S1PR3: variants seen among roughly 807,000 people sequenced by gnomAD.
S1PR3 encodes the protein sphingosine 1-phosphate receptor 3.
S1PR3 carries 12 observed loss-of-function variants against 13.3 expected under a neutral mutation model. The observed-to-expected ratio is 0.90, with a 90% CI of 0.58 to 1.46. The LOEUF is 1.46. Ranked by LOEUF, S1PR3 falls within the 40% of genes most tolerant of loss-of-function variation. The pLI is 0.00. For synonymous variants in S1PR3, 232 were observed against 214.0 expected, an observed-to-expected ratio of 1.08 and a Z score of -0.73; for missense variants, 450 against 501.9, an observed-to-expected ratio of 0.90 and a Z score of 0.99.
At position 89,002,364 on chromosome 9, in the gene S1PR3, C is replaced by G; in HGVS notation, c.*27C>G. 1 of 1,606,858 alleles carries G rather than the reference C, an allele frequency of 6.2e-7. No homozygotes were observed. The highest frequency in any genetic ancestry group is 8.5e-7 in the Non-Finnish European group (1 of 1,175,394). ...CGTCTCCATGCGCCCTGCTCTGCGGCTGTGTTCTTATTTATTGCATGCGTC... is the reference window on the plus strand; with the variant it reads ...CGTCTCCATGCGCCCTGCTCTGCGGGTGTGTTCTTATTTATTGCATGCGTC... On this transcript the variant is annotated 3_prime_UTR_variant, in exon 2 of 2. Transcript: ENST00000358157.
chr9:89,001,970 C>T lies in S1PR3; in HGVS notation c.770C>T (p.Ser257Phe), dbSNP rs1375322467. 1.2e-6 allele frequency: 2 copies of T among 1,614,018 alleles called. No individual in the cohort carries two copies. Among genetic ancestry groups the T allele is most frequent in the South Asian group, 1.1e-5 (1 of 91,084 alleles). Residue 257 changes from serine (S) to phenylalanine (F), a missense_variant, in exon 2 of 2, where the codon TCC becomes TTC. Coordinates refer to ENST00000358157, the MANE Select transcript of S1PR3 (RefSeq NM_005226.4). ...IVVSVFIACW[S>F]PLFILFLIDV... The stretch of plus-strand genomic sequence containing the variant: ...GTGAGCGTGTTCATCGCCTGCTGGT[C>T]CCCACTCTTCATCCTCTTCCTCATT...
upstream of S1PR3, chr9:88,990,942 G>T (rs887089014): frequency 6.2e-7 from 1 of 1,604,316 alleles, no homozygotes; most frequent in Non-Finnish European, 8.5e-7. Context: ...ACGCTGTCCG[G>T]CGCCAGGCGC....
intron 1 of S1PR3, chr9:88,996,769 C>G (rs955125321): frequency 6.6e-6 from 1 of 152,332 alleles, no homozygotes; most frequent in African/African-American, 2.4e-5. Flanking sequence ...GTGCCCAGCA[C>G]TCCTGCCGTG....
intron 1 of S1PR3, chr9:88,997,274 T>C (rs1825813857): frequency 6.6e-6 from 1 of 152,224 alleles, no homozygotes; most frequent in African/African-American, 2.4e-5. Flanking sequence ...AATCTTATAC[T>C]ATGTTTATTG....
chr9:88,991,473 C>T lies in S1PR3; in HGVS notation c.-370C>T, dbSNP rs772686253. Reference sequence around the variant, plus strand: ...AGTCTCTGACTCGCTCGGGCAGAGGCCGAGGAAGCCGGTTCCGGGGACGGG... The same window carrying T: ...AGTCTCTGACTCGCTCGGGCAGAGGTCGAGGAAGCCGGTTCCGGGGACGGG... On this transcript the variant is annotated 5_prime_UTR_variant, in exon 1 of 2. Transcript: ENST00000358157. This position sits in a 1 kb window ranked among gnomAD's most constrained non-coding sequence, Gnocchi z 4.0. 23 of 1,547,136 alleles carry T rather than the reference C, an allele frequency of 1.5e-5. No homozygotes were observed. The highest frequency in any genetic ancestry group is 3.4e-4 in the Middle Eastern group (2 of 5,818).
chr9:88,991,293 A>G, upstream of S1PR3: 14 of 1,521,546 alleles, frequency 9.2e-6, no homozygotes, highest in Non-Finnish European at 1.2e-5. The surrounding 1 kb of genome is among the most constrained non-coding windows in gnomAD (Gnocchi z 4.0). Flanking sequence ...GCGCACGGAG[A>G]CCAGGCGGCT....
At chr9:88,996,807 G>C (rs551568474) in intron 1 of S1PR3, 34 of 152,412 alleles carry the variant, frequency 2.2e-4, no homozygotes, top group African/African-American at 7.7e-4. Flanking sequence ...CAATCCGCCA[G>C]AGTGACTGAC....
Position 88,991,573 on chromosome 9 carries a change from C to T in S1PR3, c.-270C>T, listed in dbSNP as rs1277485446. ...GACCCCAGGCCCGGGAACGACGTCG[C>T]GAGCGCTGAGACTGCCGGGCCTCCC... On this transcript the variant is annotated 5_prime_UTR_variant, in exon 1 of 2. Coordinates refer to ENST00000358157, the MANE Select transcript of S1PR3 (RefSeq NM_005226.4). The surrounding 1 kb of genome is among the most constrained non-coding windows in gnomAD (Gnocchi z 4.0). 2 of 1,544,952 alleles carry T rather than the reference C, an allele frequency of 1.3e-6. No homozygotes were observed. The highest frequency in any genetic ancestry group is 5.0e-5 in the East Asian group (2 of 40,276).
Position 89,001,702 on chromosome 9 carries a change from C to G in S1PR3, c.502C>G (p.Leu168Val), listed in dbSNP as rs756803993. The G allele has an allele frequency of 2.5e-6, 4 of 1,614,214 alleles. No homozygotes were observed. The highest frequency in any genetic ancestry group is 1.7e-5 in the Admixed American group (1 of 60,032). The change falls in exon 2 of 2, where the codon CTG (leucine) becomes GTG (valine). Residue 168 changes from leucine to valine, a missense_variant. Physicochemically the swap from Leu to Val is conservative, Grantham distance 32 (BLOSUM62 1). Transcript: ENST00000358157. The part of the protein sequence containing the change: ...IGMCWLIAFT[L>V]GALPILGWNC... ...GATGTGCTGGCTCATTGCCTTCACG[C>G]TGGGCGCCCTGCCCATTCTGGGCTG...
rs140854802 is a variant in S1PR3, at chr9:88,991,981, A to C, written c.-148+286A>C. The C allele has an allele frequency of 6.2e-6, 10 of 1,614,130 alleles. No individual in the cohort carries two copies. In the African/African-American group the frequency reaches 1.3e-4, roughly 22 times the overall value. On this transcript the variant is annotated intron_variant, in intron 1 of 1. Transcript: ENST00000358157. The surrounding 1 kb of genome is among the most constrained non-coding windows in gnomAD (Gnocchi z 4.0). ...AAGTTCCATCAGTCGTTTTCCTTGG[A>C]CAATTAACAAGTTAGGCTTCCACAG...
At chr9:88,993,676 G>C (rs894457502) in intron 1 of S1PR3, 3 of 152,222 alleles carry the variant, frequency 2.0e-5, no homozygotes, top group Admixed American at 2.0e-4. Flanking sequence ...AAAAAGAATA[G>C]ACTGAGTGGA....
At position 89,001,872 on chromosome 9, in the gene S1PR3, C is replaced by T. The variant is rs748366388; in HGVS notation, c.672C>T (p.Ser224=). The T allele has an allele frequency of 3.1e-6, 5 of 1,614,106 alleles. No individual in the cohort carries two copies. The African/African-American group carries it at 6.7e-5, about 22-fold the overall frequency. ...LYARIYFLVK[S]SSRKVANHNN... is the part of the protein sequence containing the mutation. ...CACGCATCTACTTCCTGGTGAAGTC[C>T]AGCAGCCGTAAGGTGGCCAACCACA... is the stretch of plus-strand genomic sequence containing the variant. Residue 224 remains serine (S), a synonymous_variant, in exon 2 of 2, where the codon TCC becomes TCT. Coordinates refer to ENST00000358157, the MANE Select transcript of S1PR3 (RefSeq NM_005226.4).
rs1458045081 is a variant in S1PR3, at chr9:88,991,496, G to A, written c.-347G>A. ...GGCCGAGGAAGCCGGTTCCGGGGAC[G>A]GGCAACAGGGACTCAGGGACCAGAA... On this transcript the variant is annotated 5_prime_UTR_variant, in exon 1 of 2. Coordinates refer to ENST00000358157, the MANE Select transcript of S1PR3 (RefSeq NM_005226.4). This position sits in a 1 kb window ranked among gnomAD's most constrained non-coding sequence, Gnocchi z 4.0. 2 of 1,547,976 alleles carry A rather than the reference G, an allele frequency of 1.3e-6. No homozygotes were observed. The highest frequency in any genetic ancestry group is 2.8e-5 in the African/African-American group (2 of 72,640).
At position 89,003,115 on chromosome 9, in the gene S1PR3, C is replaced by A. The variant is rs573843988; in HGVS notation, c.*778C>A. On this transcript the variant is annotated 3_prime_UTR_variant, in exon 2 of 2. Transcript: ENST00000358157. Reference sequence around the variant, plus strand: ...AGGTTTCTGCAAATTACAGAAGAGCCAGCCAAGATCACCCAGGAGCTTGTG... The same window carrying A: ...AGGTTTCTGCAAATTACAGAAGAGCAAGCCAAGATCACCCAGGAGCTTGTG... 6.0e-6 allele frequency: 1 copy of A among 167,160 alleles called. No individual in the cohort carries two copies. The highest frequency in any genetic ancestry group is 1.9e-4 in the East Asian group (1 of 5,182). 10.4% of individuals were successfully genotyped at this position (167,160 alleles called of 1,614,324 possible). A position where few individuals can be genotyped will look rare whatever the true frequency, so the allele number is the denominator to read the frequency against.
Position 89,002,359 on chromosome 9 carries a change from T to C in S1PR3, c.*22T>C. ...CTGATCGTCTCCATGCGCCCTGCTC[T>C]GCGGCTGTGTTCTTATTTATTGCAT... On this transcript the variant is annotated 3_prime_UTR_variant, in exon 2 of 2. Coordinates refer to ENST00000358157, the MANE Select transcript of S1PR3 (RefSeq NM_005226.4). 1 of 1,609,040 alleles carries C rather than the reference T, an allele frequency of 6.2e-7. No individual in the cohort carries two copies. Among genetic ancestry groups the C allele is most frequent in the Non-Finnish European group, 8.5e-7 (1 of 1,176,696 alleles).
chr9:88,992,274 C>T, intron 1 of S1PR3: 1 of 150,796 alleles, frequency 6.6e-6, no homozygotes, highest in South Asian at 1.7e-4. Context: ...AATAGTCAGT[C>T]TCTCTCTCTC....
chr9:88,993,958 T>C (rs560993082), intron 1 of S1PR3: 2 of 162,876 alleles, frequency 1.2e-5, no homozygotes, highest in Non-Finnish European at 2.9e-5. Context: ...ATGGTGCTCT[T>C]CGGCCTTGCA....
chr9:89,002,640 G>T lies in S1PR3; in HGVS notation c.*303G>T, dbSNP rs1432825354. ...TGTTCACAGAGAGGGAAGGTCGTGG[G>T]CCACACAATGCTGTGTGACCCTCTC... is the stretch of plus-strand genomic sequence containing the variant. On this transcript the variant is annotated 3_prime_UTR_variant, in exon 2 of 2. Coordinates refer to ENST00000358157, the MANE Select transcript of S1PR3 (RefSeq NM_005226.4). 5.1e-5 allele frequency: 23 copies of T among 452,534 alleles called. No homozygotes were observed. Among genetic ancestry groups the T allele is most frequent in the Non-Finnish European group, 8.7e-5 (21 of 240,526 alleles). 28.0% of individuals were successfully genotyped at this position (452,534 alleles called of 1,614,324 possible).
In S1PR3 at chr9:89,001,594, A is replaced by G. The variant is rs1209909354; in HGVS notation, c.394A>G (p.Ile132Val). ...LGASTCSLLA[I>V]AIERHLTMIK... is the part of the protein sequence containing the mutation. ...GGCGTCCACCTGCAGCTTACTGGCC[A>G]TCGCCATCGAGCGGCACTTGACAAT... The change falls in exon 2 of 2, where the codon ATC (isoleucine) becomes GTC (valine). Residue 132 changes from isoleucine (I) to valine (V), a missense_variant. Coordinates refer to ENST00000358157, the MANE Select transcript of S1PR3 (RefSeq NM_005226.4). 1.2e-5 allele frequency: 20 copies of G among 1,614,118 alleles called. No individual in the cohort carries two copies. Among genetic ancestry groups the G allele is most frequent in the Non-Finnish European group, 1.7e-5 (20 of 1,180,050 alleles).
Sources: allele counts gnomAD v4.1 joint callset, GRCh38; gene constraint gnomAD v4.1.1; non-coding constraint Gnocchi (gnomAD v3.1); transcripts MANE v1.5; gene names NCBI Gene and HGNC (gene_info 2026-07-23, HGNC 2026-07-21).